The following TTC5 variants were observed in gnomAD, a reference collection of about 807,000 sequenced individuals.
TTC5 encodes the protein tetratricopeptide repeat domain 5.
In TTC5, 46 loss-of-function variants were observed where a neutral mutation model predicts 57.4. That is an observed-to-expected ratio of 0.80 (90% CI 0.63 to 1.03). TTC5 has a LOEUF of 1.03. Ranked by LOEUF, TTC5 falls within the 50% of genes least tolerant of loss-of-function variation. The pLI is 0.00. For synonymous variants in TTC5, 190 were observed against 203.5 expected (o/e 0.93, Z 0.57); for missense variants, 504 against 528.1 (o/e 0.95, Z 0.45).
At chr14:20,294,522 G>A (rs1179048700) in intron 8 of TTC5, 1 of 152,190 alleles carries the variant, frequency 6.6e-6, no homozygotes, top group African/African-American at 2.4e-5. Context: ...CAGAAAGGAT[G>A]TGAAAAGCAA....
chr14:20,303,222 C>G (rs1367850705), intron 1 of TTC5, among the ~76,000 whole-genome samples: 3 of 151,652 alleles, frequency 2.0e-5, no homozygotes, highest in African/African-American at 7.3e-5. Context: ...TCGTAGGTTG[C>G]CCAGGCTGGT....
Position 20,295,512 on chromosome 14 carries a change from G to C in TTC5, c.858C>G (p.Thr286=), listed in dbSNP as rs892340183. The C allele has an allele frequency of 1.9e-6, 3 of 1,610,234 alleles. No individual in the cohort carries two copies. The African/African-American group carries it at 4.0e-5, about 22-fold the overall frequency. Residue 286 remains threonine, a synonymous_variant, in exon 8 of 10, where the codon ACC becomes ACG. Transcript: ENST00000258821. ...TTCCCAGCATGCTCTGCAGCTTTTT[G>C]GTCTTCACCTTTCCCTGCAAAGAAG... is the stretch of plus-strand genomic sequence containing the variant. ...SLLESKGKVK[T]KKLQSMLGSL...
chr14:20,293,905 G>A (rs530229215), intron 8 of TTC5: 24 of 152,324 alleles, frequency 1.6e-4, no homozygotes, highest in African/African-American at 5.1e-4. Context: ...TTGGAACCCA[G>A]AAGCAGATGG....
chr14:20,304,675 C>T (rs373748611), intron 1 of TTC5, among the ~76,000 whole-genome samples: 1 of 152,136 alleles, frequency 6.6e-6, no homozygotes, highest in East Asian at 1.9e-4. Flanking sequence ...TAGGAAAAGA[C>T]AATTCTCATA....
intron 9 of TTC5, 125 bp downstream of exon 9, chr14:20,291,858 A>AAT (rs1881959786): frequency 3.9e-6 from 3 of 776,966 alleles, no homozygotes; most frequent in Non-Finnish European, 5.2e-6. Flanking sequence ...TATACACACA[A>AAT]ATATATATAC....
At chr14:20,301,524 T>C (rs931564558) in intron 2 of TTC5, among the ~76,000 whole-genome samples, 4 of 151,340 alleles carry the variant, frequency 2.6e-5, no homozygotes, top group Non-Finnish European at 4.4e-5. Flanking sequence ...AGTAATGATT[T>C]AGAAAGATAG....
intron 3 of TTC5, among the ~76,000 whole-genome samples, chr14:20,299,872 G>A (rs1047605079): frequency 4.6e-5 from 7 of 151,306 alleles, no homozygotes; most frequent in African/African-American, 1.7e-4. Flanking sequence ...TTTTGTGACA[G>A]GGTCTCACTC....
In TTC5 at chr14:20,296,546, T is replaced by A. The variant is rs1243292904; in HGVS notation, c.640-100A>T. 15 of 978,010 alleles carry A rather than the reference T, an allele frequency of 1.5e-5. 1 individual carries two copies. In the South Asian group the frequency reaches 2.0e-4, roughly 13 times the overall value. The allele number at this position is 978,010 out of a possible 1,614,324, so 60.6% of individuals were successfully genotyped here. ...CCTCCTCTTTCTAGAGAAATGGAAGTTTCTTCCTTGCCAAAATGGTATTTA... is the reference window on the plus strand; with the variant it reads ...CCTCCTCTTTCTAGAGAAATGGAAGATTCTTCCTTGCCAAAATGGTATTTA... On this transcript the variant is annotated intron_variant, in intron 5 of 9. Coordinates refer to ENST00000258821, the MANE Select transcript of TTC5 (RefSeq NM_138376.3).
In TTC5 at chr14:20,289,665, C is replaced by T. The variant is rs768025842; in HGVS notation, c.1285G>A (p.Ala429Thr). The T allele has an allele frequency of 1.2e-6, 2 of 1,613,806 alleles. No individual in the cohort carries two copies. Among genetic ancestry groups the T allele is most frequent in the Non-Finnish European group, 1.7e-6 (2 of 1,179,770 alleles). Residue 429 changes from alanine (A) to threonine (T), a missense_variant, in exon 10 of 10, where the codon GCT becomes ACT. Coordinates refer to ENST00000258821, the MANE Select transcript of TTC5 (RefSeq NM_138376.3). ...NGKPQGSSSQ[A>T]VATVASRPQC... ...GGTCGCGATGCCACTGTGGCAACAG[C>T]CTGGCTGCTGGATCCCTGAGGCTTC...
chr14:20,299,079 G>A (rs1882127202), intron 4 of TTC5, among the ~76,000 whole-genome samples, 191 bp from the exon 5 acceptor site: 1 of 152,186 alleles, frequency 6.6e-6, no homozygotes, highest in South Asian at 2.1e-4. Flanking sequence ...TGAACAGACT[G>A]TACAAAAGCC....
chr14:20,291,947 C>T, intron 9 of TTC5, 36 bp downstream of exon 9: 1 of 1,506,166 alleles, frequency 6.6e-7, no homozygotes, highest in Non-Finnish European at 8.9e-7. Context: ...ACTTTTAGAG[C>T]CTACGAGTTG....
Position 20,299,259 on chromosome 14 carries a change from G to A in TTC5, c.547+39C>T, listed in dbSNP as rs538858804. ...AATGTTGCTCTGATTGAAAACATCT[G>A]CTCTAGAAACCTGTTGGAGATCTTT... On this transcript the variant is annotated intron_variant, in intron 4 of 9. Coordinates refer to ENST00000258821, the MANE Select transcript of TTC5 (RefSeq NM_138376.3). The A allele has an allele frequency of 4.4e-6, 7 of 1,602,552 alleles. No homozygotes were observed. The East Asian group carries it at 1.3e-4, about 31-fold the overall frequency.
intron 5 of TTC5, 96 bp from the exon 6 acceptor site, chr14:20,296,542 G>C: frequency 2.0e-6 from 2 of 1,016,610 alleles, no homozygotes; most frequent in Non-Finnish European, 3.1e-6. Context: ...TAGAGAAATG[G>C]AAGTTTCTTC....
In TTC5 at chr14:20,287,442, C is replaced by T. The variant is rs1481158948; in HGVS notation, c.*2185G>A. ...AAGAAAAACTGGAAACCCAAATATCCTTTAACAACAGGATGAATAAATTAT... is the reference window on the plus strand; with the variant it reads ...AAGAAAAACTGGAAACCCAAATATCTTTTAACAACAGGATGAATAAATTAT... On this transcript the variant is annotated 3_prime_UTR_variant, in exon 10 of 10. Transcript: ENST00000258821. 1.3e-5 allele frequency: 2 copies of T among 152,120 alleles called. No individual in the cohort carries two copies. The highest frequency in any genetic ancestry group is 4.8e-5 in the African/African-American group (2 of 41,414). 9.4% of individuals were successfully genotyped at this position (152,120 alleles called of 1,614,324 possible). A position where few individuals can be genotyped will look rare whatever the true frequency, so the allele number is the denominator to read the frequency against.
rs1881908979 is a variant in TTC5, at chr14:20,289,528, A to G, written c.*99T>C. 4 of 1,427,758 alleles carry G rather than the reference A, an allele frequency of 2.8e-6. No homozygotes were observed. The highest frequency in any genetic ancestry group is 3.8e-6 in the Non-Finnish European group (4 of 1,063,146). The allele number at this position is 1,427,758 out of a possible 1,614,324, so 88.4% of individuals were successfully genotyped here. A position where few individuals can be genotyped will look rare whatever the true frequency, so the allele number is the denominator to read the frequency against. On this transcript the variant is annotated 3_prime_UTR_variant, in exon 10 of 10. Transcript: ENST00000258821. ...GAAAGAGAAAGTCTTCATTTAAAAC[A>G]TTCCTCCCATCCCTGCTGAATCACT...
intron 5 of TTC5, among the ~76,000 whole-genome samples, chr14:20,297,845 C>T (rs1423938534): frequency 6.6e-6 from 1 of 151,714 alleles, no homozygotes; most frequent in Non-Finnish European, 1.5e-5. Context: ...ATATACCACA[C>T]TATTCTTTAA....
chr14:20,291,707 G>C (rs1048090734), intron 9 of TTC5, among the ~76,000 whole-genome samples: 3 of 151,700 alleles, frequency 2.0e-5, no homozygotes, highest in African/African-American at 4.8e-5. Context: ...AAAGACTTCA[G>C]GTATATACAC....
At position 20,286,321 on chromosome 14, in the gene TTC5, T is replaced by C. The variant is rs906491719; in HGVS notation, c.*3306A>G. 2.0e-5 allele frequency: 3 copies of C among 151,840 alleles called. No homozygotes were observed. Among genetic ancestry groups the C allele is most frequent in the African/African-American group, 4.8e-5 (2 of 41,330 alleles). 9.4% of individuals were successfully genotyped at this position (151,840 alleles called of 1,614,324 possible). A position where few individuals can be genotyped will look rare whatever the true frequency, so the allele number is the denominator to read the frequency against. On this transcript the variant is annotated 3_prime_UTR_variant, in exon 10 of 10. Coordinates refer to ENST00000258821, the MANE Select transcript of TTC5 (RefSeq NM_138376.3). ...CAATAAGAAGACAACCCAATAAAAA[T>C]TGGACAAAAGAAAACAGAGATTTCA...
chr14:20,304,047 C>CCCTG (rs1882242958), intron 1 of TTC5, among the ~76,000 whole-genome samples: 1 of 152,166 alleles, frequency 6.6e-6, no homozygotes, highest in Non-Finnish European at 1.5e-5. Flanking sequence ...TCTTATTTTT[C>CCCTG]TTCATACTTA....
Sources: allele counts gnomAD v4.1 joint callset (sites outside exome capture counted in the v4.1 genomes callset), GRCh38; gene constraint gnomAD v4.1.1; transcripts MANE v1.5; gene names NCBI Gene and HGNC (gene_info 2026-07-23, HGNC 2026-07-21).